The following LMAN2 variants were observed in gnomAD, a reference collection of about 807,000 sequenced individuals.
The protein encoded by LMAN2 is vesicular integral-membrane protein VIP36.
Under a neutral mutation model 39.3 loss-of-function variants are expected in LMAN2, and 22 were observed. The observed-to-expected ratio is 0.56, with a 90% confidence interval of 0.40 to 0.80. LMAN2 has a LOEUF of 0.80. LMAN2 is among the 30% of genes least tolerant of loss of function. LMAN2 has a pLI of 0.00. For synonymous variants in LMAN2, 207 were observed against 207.8 expected (o/e 1.00, Z 0.03); for missense variants, 494 against 505.4 (o/e 0.98, Z 0.22).
At chr5:177,340,962 A>G (rs558373653) in intron 2 of LMAN2, among the ~76,000 whole-genome samples, 18 of 151,326 alleles carry the variant, frequency 1.2e-4, no homozygotes, top group African/African-American at 2.9e-4. Context: ...TCACCGTGTT[A>G]GCCAGGATGG....
At chr5:177,334,582 TAAA>T in intron 6 of LMAN2, 179 bp from the exon 7 acceptor site, 1 of 698,958 alleles carries the variant, frequency 1.4e-6, no homozygotes, top group Non-Finnish European at 2.2e-6. Context: ...TCACCAGCAA[TAAA>T]AAAGAGAGGA....
intron 2 of LMAN2, chr5:177,346,461 GT>G (rs564565205): frequency 1.9e-3 from 540 of 282,696 alleles, no homozygotes; most frequent in South Asian, 2.6e-3. Flanking sequence ...ACCGGTTGTT[GT>G]TTTTTTTTTA....
intron 2 of LMAN2, among the ~76,000 whole-genome samples, chr5:177,341,552 T>G (rs897064725): frequency 6.6e-6 from 1 of 152,102 alleles, no homozygotes; most frequent in East Asian, 1.9e-4. Context: ...ACTCAGCAAA[T>G]GTATCCTTCA....
chr5:177,341,215 C>T (rs188691920), intron 2 of LMAN2, among the ~76,000 whole-genome samples: 20 of 151,922 alleles, frequency 1.3e-4, no homozygotes, highest in Non-Finnish European at 1.6e-4. Flanking sequence ...TACAGGCATG[C>T]GCCACTACGC....
At chr5:177,346,382 T>A (rs888919966) in intron 2 of LMAN2, 2 of 739,836 alleles carry the variant, frequency 2.7e-6, no homozygotes, top group Non-Finnish European at 3.7e-6. Flanking sequence ...TCCATCAGTA[T>A]TGAGCCAGGA....
chr5:177,336,270 C>G (rs1439616577), intron 6 of LMAN2, among the ~76,000 whole-genome samples: 3 of 152,166 alleles, frequency 2.0e-5, no homozygotes, highest in Non-Finnish European at 2.9e-5. Flanking sequence ...CAGGCGCATC[C>G]AGGCAGCAGC....
Position 177,332,322 on chromosome 5 carries a change from A to T in LMAN2, c.911-76T>A. On this transcript the variant is annotated intron_variant, in intron 7 of 7. Transcript: ENST00000303127. This position sits in a 1 kb window ranked among gnomAD's most constrained non-coding sequence, Gnocchi z 6.3. ...AGGGGGCTGCAGGAGGGCAGTGGGG[A>T]TGGAACAGGACAGCCGGCCACGGTG... 1 of 1,406,856 alleles carries T rather than the reference A, an allele frequency of 7.1e-7. No homozygotes were observed. Among genetic ancestry groups the T allele is most frequent in the Non-Finnish European group, 9.8e-7 (1 of 1,017,588 alleles). The allele number at this position is 1,406,856 out of a possible 1,614,324, so 87.1% of individuals were successfully genotyped here.
intron 6 of LMAN2, chr5:177,334,626 T>C (rs1195014933): frequency 6.0e-6 from 3 of 497,728 alleles, no homozygotes; most frequent in African/African-American, 5.9e-5. Context: ...GTAAGGGCTT[T>C]ACAAGCAGAA....
Position 177,337,024 on chromosome 5 carries a change from C to T in LMAN2, c.790+112G>A. ...ACAGAAGAAAGGAGGAGGAGGAACA[C>T]AGCCAGGTGAGCTCAGAAACCACAT... On this transcript the variant is annotated intron_variant, in intron 6 of 7. Coordinates refer to ENST00000303127, the MANE Select transcript of LMAN2 (RefSeq NM_006816.3). The surrounding 1 kb of genome is among the most constrained non-coding windows in gnomAD (Gnocchi z 8.2). 4 of 755,088 alleles carry T rather than the reference C, an allele frequency of 5.3e-6. No homozygotes were observed. Among genetic ancestry groups the T allele is most frequent in the South Asian group, 3.2e-5 (2 of 62,286 alleles). The allele number at this position is 755,088 out of a possible 1,614,324, so 46.8% of individuals were successfully genotyped here. A position where few individuals can be genotyped will look rare whatever the true frequency, so the allele number is the denominator to read the frequency against.
At position 177,333,904 on chromosome 5, in the gene LMAN2, C is replaced by A. The variant is rs145836844; in HGVS notation, c.910+380G>T. Among the ~76,000 whole-genome samples, 310 of 152,354 alleles carry A rather than the reference C, an allele frequency of 2.0e-3. 10 individuals are homozygous for A. The East Asian group carries it at 0.053, about 26-fold the overall frequency. On this transcript the variant is annotated intron_variant, in intron 7 of 7. Transcript: ENST00000303127. Reference sequence around the variant, plus strand: ...GGGACAGGTGGGCCAACATACCCAGCCCCCTGGCTCTGCTGGCCACTGCCC... The same window carrying A: ...GGGACAGGTGGGCCAACATACCCAGACCCCTGGCTCTGCTGGCCACTGCCC...
Position 177,337,405 on chromosome 5 carries a change from G to C in LMAN2, c.633C>G (p.His211Gln). The C allele has an allele frequency of 6.2e-7, 1 of 1,612,964 alleles. No individual in the cohort carries two copies. Among genetic ancestry groups the C allele is most frequent in the East Asian group, 2.2e-5 (1 of 44,870 alleles). Reference sequence around the variant, plus strand: ...AGTAGCGCACAGCCAGGAAGGTGTCGTGATCGCGGTTGCGGAAGTCAGCCG... The same window carrying C: ...AGTAGCGCACAGCCAGGAAGGTGTCCTGATCGCGGTTGCGGAAGTCAGCCG... ...GCTADFRNRD[H>Q]DTFLAVRYSR... is the part of the protein sequence containing the mutation. The change falls in exon 5 of 8, where the codon CAC (histidine) becomes CAG (glutamine). Residue 211 changes from histidine to glutamine, a missense_variant. By Grantham distance (24) the His-to-Gln change is conservative (BLOSUM62 0). Transcript: ENST00000303127. The surrounding 1 kb of genome is among the most constrained non-coding windows in gnomAD (Gnocchi z 8.2).
At chr5:177,344,149 T>A (rs1441387647) in intron 2 of LMAN2, among the ~76,000 whole-genome samples, 2 of 151,498 alleles carry the variant, frequency 1.3e-5, no homozygotes, top group Admixed American at 1.3e-4. Context: ...CTCCAGGAGT[T>A]CGAGGCTGCA....
Position 177,351,388 on chromosome 5 carries a change from C to T in LMAN2, c.196+64G>A. The T allele has an allele frequency of 2.5e-6, 4 of 1,603,012 alleles. No individual in the cohort carries two copies. In the East Asian group the frequency reaches 6.7e-5, roughly 27 times the overall value. ...TGCTCTGCTCAGGAGAAAGGGCACG[C>T]CTTCCCCTAGCCCTGTTCAGCCTCG... On this transcript the variant is annotated intron_variant, in intron 1 of 7. Transcript: ENST00000303127.
At chr5:177,338,462 G>A in intron 3 of LMAN2, 26 bp downstream of exon 3, 2 of 1,596,862 alleles carry the variant, frequency 1.3e-6, no homozygotes, top group East Asian at 2.2e-5. Flanking sequence ...CCCCCACAGG[G>A]CCCAGCTGAG....
Position 177,337,371 on chromosome 5 carries a change from G to A in LMAN2, c.667C>T (p.Arg223Cys), listed in dbSNP as rs150993917. The A allele has an allele frequency of 1.4e-5, 22 of 1,610,980 alleles. No individual in the cohort carries two copies. Among genetic ancestry groups the A allele is most frequent in the Non-Finnish European group, 1.9e-5 (22 of 1,179,880 alleles). ...TFLAVRYSRG[R>C]LTVMTDLEDK... ...CCGCCTAGCCTGCTCACCGTCAGAC[G>A]GCCCCGGGAGTAGCGCACAGCCAGG... The change falls in exon 5 of 8, where the codon CGT becomes TGT. Residue 223 changes from arginine (R) to cysteine (C), a missense_variant. Coordinates refer to ENST00000303127, the MANE Select transcript of LMAN2 (RefSeq NM_006816.3). This position sits in a 1 kb window ranked among gnomAD's most constrained non-coding sequence, Gnocchi z 8.2.
At position 177,338,582 on chromosome 5, in the gene LMAN2, T is replaced by G. The variant is rs1353429503; in HGVS notation, c.339A>C (p.Glu113Asp). 1 of 1,614,072 alleles carries G rather than the reference T, an allele frequency of 6.2e-7. No homozygotes were observed. Among genetic ancestry groups the G allele is most frequent in the Non-Finnish European group, 8.5e-7 (1 of 1,180,024 alleles). ...CGTGGACTTTGAAGTGGACGTGCAT[T>G]TCCCAGTCTTTGAGGAAGCACGGCT... ...NHQPCFLKDW[E>D]MHVHFKVHGT... The change falls in exon 3 of 8, where the codon GAA (glutamate) becomes GAC (aspartate). Residue 113 changes from glutamate (E) to aspartate (D), a missense_variant. By Grantham distance (45) the Glu-to-Asp change is conservative. Coordinates refer to ENST00000303127, the MANE Select transcript of LMAN2 (RefSeq NM_006816.3).
Position 177,337,455 on chromosome 5 carries a change from G to C in LMAN2, c.583C>G (p.Arg195Gly), listed in dbSNP as rs753457199. Residue 195 changes from arginine (R) to glycine (G), a missense_variant, in exon 5 of 8, where the codon CGC (arginine) becomes GGC (glycine). Transcript: ENST00000303127. The surrounding 1 kb of genome is among the most constrained non-coding windows in gnomAD (Gnocchi z 8.2). ...SLSYDHSKDGRWTELAGCTAD... is the reference protein window; with the variant it reads ...SLSYDHSKDGGWTELAGCTAD... The stretch of plus-strand genomic sequence containing the variant: ...GTGCAGCCCGCCAGCTCGGTCCAGC[G>C]CCCATCCTTGCTGTGGTCGTAGGAC... 7.4e-6 allele frequency: 12 copies of C among 1,613,930 alleles called. No homozygotes were observed. The South Asian group carries it at 1.3e-4, about 18-fold the overall frequency.
chr5:177,341,433 C>G (rs1761552991), intron 2 of LMAN2, among the ~76,000 whole-genome samples: 1 of 152,134 alleles, frequency 6.6e-6, no homozygotes, highest in South Asian at 2.1e-4. Flanking sequence ...CTCACAGGAG[C>G]AATAATCAGC....
intron 2 of LMAN2, among the ~76,000 whole-genome samples, chr5:177,341,514 G>T (rs1044547693): frequency 1.3e-5 from 2 of 152,358 alleles, no homozygotes; most frequent in Middle Eastern, 3.4e-3. Context: ...GGAGATACAG[G>T]AAGGTAACAG....
Sources: allele counts gnomAD v4.1 joint callset (sites outside exome capture counted in the v4.1 genomes callset), GRCh38; gene constraint gnomAD v4.1.1; non-coding constraint Gnocchi (gnomAD v3.1); transcripts MANE v1.5; gene names NCBI Gene and HGNC (gene_info 2026-07-23, HGNC 2026-07-21).